The following NOMO1 variants were observed in gnomAD, a reference collection of about 807,000 sequenced individuals.
NOMO1 encodes NODAL modulator 1.
NOMO1 carries 40 observed loss-of-function variants against 133.8 expected under a neutral mutation model. The ratio of observed to expected loss-of-function variants is 0.30; its 90% CI spans 0.23 to 0.39. NOMO1 has a LOEUF of 0.39. Among genes scored for constraint, NOMO1 ranks in the 10% least tolerant of loss-of-function variants. The pLI, the probability that NOMO1 is intolerant of heterozygous loss-of-function variation, is 1.00. For missense variants in NOMO1, 462 were observed against 1,419.9 expected (o/e 0.33, Z 10.84); for synonymous variants, 236 against 570.5 (o/e 0.41, Z 8.36).
In NOMO1 at chr16:14,868,567, A is replaced by G. The variant is rs766447633; in HGVS notation, c.1826A>G (p.Asn609Ser). The change falls in exon 16 of 31, where the codon AAT (asparagine) becomes AGT (serine). Residue 609 changes from asparagine to serine, a missense_variant. Physicochemically the swap from Asn to Ser is conservative, Grantham distance 46. Coordinates refer to ENST00000287667, the MANE Select transcript of NOMO1 (RefSeq NM_014287.4). Reference protein sequence around the residue: ...AITLEFYQDGNGRENVGIYNL... With the variant: ...AITLEFYQDGSGRENVGIYNL... ...CCTTAGGAATTTTATCAGGATGGAAATGGGCGTGAGAATGTGGGGATTTAT... is the reference window on the plus strand; with the variant it reads ...CCTTAGGAATTTTATCAGGATGGAAGTGGGCGTGAGAATGTGGGGATTTAT... 3 of 1,611,688 alleles carry G rather than the reference A, an allele frequency of 1.9e-6. No homozygotes were observed. In the Admixed American group the frequency reaches 5.0e-5, roughly 27 times the overall value.
intron 12 of NOMO1, 136 bp from the exon 13 acceptor site, chr16:14,864,449 A>C: frequency 6.7e-7 from 1 of 1,502,088 alleles, no homozygotes; most frequent in Non-Finnish European, 9.0e-7. Flanking sequence ...TGTGATTGTA[A>C]AATCGGCCTG....
intron 28 of NOMO1, among the ~76,000 whole-genome samples, chr16:14,887,618 T>C (rs1964345669): frequency 6.6e-6 from 1 of 151,996 alleles, no homozygotes; most frequent in South Asian, 2.1e-4. Context: ...CATACTATGA[T>C]TTTTATGGAC....
intron 4 of NOMO1, among the ~76,000 whole-genome samples, chr16:14,846,218 G>A (rs1963678661): frequency 2.0e-5 from 3 of 148,080 alleles, no homozygotes; most frequent in African/African-American, 7.6e-5. Flanking sequence ...GTAGAGACAG[G>A]GTTTCACCAT....
rs757957678 is a variant in NOMO1 at position 14,876,534 on chromosome 16, A to T, written c.2516+16A>T. ...GTGCCTACAGGTGAGCCCGGGATAGAGACACATGTGCCTGGGATCAGCGTG... is the reference window on the plus strand; with the variant it reads ...GTGCCTACAGGTGAGCCCGGGATAGTGACACATGTGCCTGGGATCAGCGTG... On this transcript the variant is annotated intron_variant, in intron 21 of 30. Coordinates refer to ENST00000287667, the MANE Select transcript of NOMO1 (RefSeq NM_014287.4). The T allele has an allele frequency of 6.2e-7, 1 of 1,611,430 alleles. No individual in the cohort carries two copies. The highest frequency in any genetic ancestry group is 1.3e-5 in the African/African-American group (1 of 74,642).
Position 14,873,290 on chromosome 16 carries a change from A to G in NOMO1, c.2054+961A>G, listed in dbSNP as rs1964104709. On this transcript the variant is annotated intron_variant, in intron 18 of 30. Transcript: ENST00000287667. ...GACATGTTTTACATAGAGGAATGACATTTTTCTTCCTGAAAGGTCCCCCTA... is the reference window on the plus strand; with the variant it reads ...GACATGTTTTACATAGAGGAATGACGTTTTTCTTCCTGAAAGGTCCCCCTA... 1.6e-5 allele frequency among the ~76,000 whole-genome samples: 2 copies of G among 126,366 alleles called. 1 individual carries two copies. Among genetic ancestry groups the G allele is most frequent in the Non-Finnish European group, 3.7e-5 (2 of 54,424 alleles). 82.9% of individuals were successfully genotyped at this position (126,366 alleles called of 152,430 possible).
chr16:14,859,190 G>C (rs759773705), intron 11 of NOMO1, among the ~76,000 whole-genome samples: 9 of 151,936 alleles, frequency 5.9e-5, no homozygotes, highest in Non-Finnish European at 1.3e-4. Flanking sequence ...AAGTAAGTTT[G>C]GGGTAGGAGG....
intron 27 of NOMO1, among the ~76,000 whole-genome samples, chr16:14,885,219 C>G (rs1451458347): frequency 1.3e-5 from 2 of 152,014 alleles, no homozygotes; most frequent in East Asian, 3.9e-4. Context: ...GAGATTTGGG[C>G]AGGGACAAAT....
Position 14,843,559 on chromosome 16 carries a change from G to A in NOMO1, c.302-1115G>A, listed in dbSNP as rs1440164614. Reference sequence around the variant, plus strand: ...TTTTAATTTTAGCCCTTCTGGTGGGGGTGTGGTATTATCTCACTGTGGCCT... The same window carrying A: ...TTTTAATTTTAGCCCTTCTGGTGGGAGTGTGGTATTATCTCACTGTGGCCT... On this transcript the variant is annotated intron_variant, in intron 3 of 30. Transcript: ENST00000287667. Among the ~76,000 whole-genome samples the A allele has an allele frequency of 4.0e-5, 6 of 151,812 alleles. 1 individual carries two copies. Among genetic ancestry groups the A allele is most frequent in the Admixed American group, 1.3e-4 (2 of 15,238 alleles).
chr16:14,860,186 G>A (rs1567541223), intron 11 of NOMO1, among the ~76,000 whole-genome samples: 1 of 152,054 alleles, frequency 6.6e-6, no homozygotes, highest in East Asian at 1.9e-4. Flanking sequence ...TGGCCGCATG[G>A]TGAAACCCGG....
chr16:14,868,988 G>T (rs1964043530), intron 16 of NOMO1, among the ~76,000 whole-genome samples: 1 of 151,208 alleles, frequency 6.6e-6, no homozygotes. Context: ...ACCCAGGCTG[G>T]AGTGTAGTGG....
chr16:14,891,529 G>GT (rs1441727275), intron 29 of NOMO1, among the ~76,000 whole-genome samples: 1 of 151,500 alleles, frequency 6.6e-6, no homozygotes. Context: ...AATTTATTGT[G>GT]TTTTTTTCAG....
At chr16:14,860,693 G>C (rs1043847264) in intron 11 of NOMO1, among the ~76,000 whole-genome samples, 1 of 151,954 alleles carries the variant, frequency 6.6e-6, no homozygotes, top group Non-Finnish European at 1.5e-5. Flanking sequence ...TGTTCACGGA[G>C]ATGGAGGAAA....
intron 29 of NOMO1, among the ~76,000 whole-genome samples, chr16:14,892,627 A>G (rs1964421910): frequency 6.6e-6 from 1 of 151,020 alleles, no homozygotes; most frequent in African/African-American, 2.4e-5. Context: ...AAAAAAAAAA[A>G]AGCTATGCCT....
At chr16:14,855,712 CA>C (rs1163537417) in intron 9 of NOMO1, among the ~76,000 whole-genome samples, 1 of 151,932 alleles carries the variant, frequency 6.6e-6, no homozygotes, top group Non-Finnish European at 1.5e-5. Context: ...AGATTACAGC[CA>C]AATACATATT....
At chr16:14,886,258 A>T (rs1305602404) in intron 27 of NOMO1, among the ~76,000 whole-genome samples, 1 of 145,866 alleles carries the variant, frequency 6.9e-6, no homozygotes, top group Admixed American at 6.9e-5. Flanking sequence ...GTGACATCAT[A>T]TGATGAGGCA....
chr16:14,859,349 A>C (rs1409876963), intron 11 of NOMO1, among the ~76,000 whole-genome samples: 2 of 151,928 alleles, frequency 1.3e-5, no homozygotes, highest in Admixed American at 6.6e-5. Flanking sequence ...CAGGGAAGCA[A>C]ATTACCCTCA....
At chr16:14,849,896 C>CTTTTTT (rs1171906105) in intron 6 of NOMO1, among the ~76,000 whole-genome samples, 2 of 87,932 alleles carry the variant, frequency 2.3e-5, no homozygotes, top group Non-Finnish European at 4.6e-5. Flanking sequence ...CAGATACAGT[C>CTTTTTT]TTTTTTTTTT....
At chr16:14,879,058 A>G (rs2301203) in intron 23 of NOMO1, among the ~76,000 whole-genome samples, 2,280 of 123,130 alleles carry the variant, frequency 0.019, 1 homozygote, top group African/African-American at 0.028. Flanking sequence ...CTGATCACCC[A>G]CTTGTCACTA....
At position 14,881,487 on chromosome 16, in the gene NOMO1, T is replaced by C. The variant is rs903006910; in HGVS notation, c.2886-57T>C. Reference sequence around the variant, plus strand: ...TAATTGTTGGTAAACGGGAAACACTTGGGTCCTTCAGATAACCATGAGAAT... The same window carrying C: ...TAATTGTTGGTAAACGGGAAACACTCGGGTCCTTCAGATAACCATGAGAAT... On this transcript the variant is annotated intron_variant, in intron 24 of 30. Transcript: ENST00000287667. The C allele has an allele frequency of 1.7e-5, 27 of 1,606,354 alleles. No individual in the cohort carries two copies. The Admixed American group carries it at 4.5e-4, about 27-fold the overall frequency.
Sources: gnomAD v4.1 joint callset for allele counts (sites outside exome capture counted in the v4.1 genomes callset) on GRCh38, gnomAD v4.1.1 for gene constraint, MANE v1.5 for transcripts, NCBI Gene and HGNC (gene_info 2026-07-23, HGNC 2026-07-21) for gene names.